The following DCUN1D1 variants were observed in gnomAD, a reference collection of about 807,000 sequenced individuals.
The protein encoded by DCUN1D1 is DCN1-like protein 1.
DCUN1D1 carries 3 observed loss-of-function variants against 39.0 expected under a neutral mutation model. The observed-to-expected ratio is 0.08, with a 90% CI of 0.04 to 0.20. The LOEUF (loss-of-function observed/expected upper bound fraction) is 0.20, where lower values mean the gene tolerates loss of function less well. Ranked by LOEUF, DCUN1D1 falls within the 10% of genes least tolerant of loss-of-function variation. The probability of loss-of-function intolerance (pLI) is 1.00; values close to 1 mark genes in which losing one functional copy is unlikely to be tolerated. For synonymous variants in DCUN1D1, 82 were observed against 96.3 expected, an observed-to-expected ratio of 0.85 and a Z score of 0.87; for missense variants, 158 against 302.4, an observed-to-expected ratio of 0.52 and a Z score of 3.54.
At chr3:182,967,372 T>C (rs1340327931) in intron 1 of DCUN1D1, among the ~76,000 whole-genome samples, 1 of 152,108 alleles carries the variant, frequency 6.6e-6, no homozygotes, top group Non-Finnish European at 1.5e-5. Flanking sequence ...TTTCCATAAA[T>C]CATACTGCTT....
intron 6 of DCUN1D1, among the ~76,000 whole-genome samples, chr3:182,946,316 G>A (rs755169525): frequency 4.6e-5 from 7 of 152,104 alleles, no homozygotes; most frequent in Admixed American, 2.0e-4. Context: ...CCAGCACTTC[G>A]GGAGACCGAG....
chr3:182,945,637 G>A (rs1277864147), intron 6 of DCUN1D1, among the ~76,000 whole-genome samples: 6 of 152,108 alleles, frequency 3.9e-5, no homozygotes, highest in African/African-American at 1.4e-4. Context: ...GCAGCCTAAG[G>A]AGCAGCTATG....
chr3:182,957,604 C>T (rs2108639764), intron 4 of DCUN1D1, among the ~76,000 whole-genome samples: 1 of 151,696 alleles, frequency 6.6e-6, no homozygotes. Flanking sequence ...CCAACCTAGG[C>T]AAGAGAGCCA....
intron 1 of DCUN1D1, among the ~76,000 whole-genome samples, chr3:182,971,762 C>T (rs1336830687): frequency 6.6e-6 from 1 of 152,060 alleles, no homozygotes; most frequent in East Asian, 1.9e-4. Flanking sequence ...CATTTATTTA[C>T]TTATTCAAAA....
At chr3:182,955,610 GTC>G in intron 4 of DCUN1D1, 1 of 445,080 alleles carries the variant, frequency 2.2e-6, no homozygotes, top group South Asian at 1.6e-5. Flanking sequence ...TTGAGACTGA[GTC>G]TCGCTCTGTC....
intron 1 of DCUN1D1, among the ~76,000 whole-genome samples, chr3:182,969,795 C>T (rs556370277): frequency 3.3e-5 from 5 of 152,264 alleles, no homozygotes; most frequent in Admixed American, 2.0e-4. Context: ...CTAATTACAA[C>T]GGTATCAAAG....
chr3:182,941,588 T>C lies in DCUN1D1; in HGVS notation c.*3506A>G, dbSNP rs1280476074. 5 of 152,134 alleles carry C rather than the reference T, an allele frequency of 3.3e-5. No homozygotes were observed. The East Asian group carries it at 7.7e-4, about 23-fold the overall frequency. The allele number at this position is 152,134 out of a possible 1,614,324, so 9.4% of individuals were successfully genotyped here. A position where few individuals can be genotyped will look rare whatever the true frequency, so the allele number is the denominator to read the frequency against. ...AAAAAAACATTTTATCATTACATTA[T>C]CAAATTTGATAAAATCTTATGAAAA... On this transcript the variant is annotated 3_prime_UTR_variant, in exon 7 of 7. Coordinates refer to ENST00000292782, the MANE Select transcript of DCUN1D1 (RefSeq NM_020640.4).
chr3:182,972,217 GA>G lies in DCUN1D1; in HGVS notation c.4-6465del, dbSNP rs541716059. Among the ~76,000 whole-genome samples the G allele has an allele frequency of 1.9e-3, 278 of 147,470 alleles. 1 individual carries two copies. The highest frequency in any genetic ancestry group is 5.7e-3 in the Admixed American group (84 of 14,824). On this transcript the variant is annotated intron_variant, in intron 1 of 6. Coordinates refer to ENST00000292782, the MANE Select transcript of DCUN1D1 (RefSeq NM_020640.4). ...CTATAGTTTTAAATGTACACAGGTTGAAAAAAAAAATCACAGGGCACTCTAA... is the reference window on the plus strand; with the variant it reads ...CTATAGTTTTAAATGTACACAGGTTGAAAAAAAAATCACAGGGCACTCTAA...
chr3:182,950,833 C>T (rs1371073240), intron 4 of DCUN1D1: 2 of 151,450 alleles, frequency 1.3e-5, no homozygotes, highest in African/African-American at 4.8e-5. Context: ...GGCGAAACCC[C>T]ATCTCTACTA....
At chr3:182,969,080 C>T (rs1173789394) in intron 1 of DCUN1D1, among the ~76,000 whole-genome samples, 1 of 152,150 alleles carries the variant, frequency 6.6e-6, no homozygotes, top group African/African-American at 2.4e-5. Context: ...CAATCCCATT[C>T]CTATAAAGTC....
At chr3:182,955,523 T>C (rs968622129) in intron 4 of DCUN1D1, 1 of 535,100 alleles carries the variant, frequency 1.9e-6, no homozygotes, top group African/African-American at 1.9e-5. Context: ...GATAATGGTT[T>C]GTATTTGCTA....
chr3:182,975,698 CAAAAACA>C (rs1163514482), intron 1 of DCUN1D1, among the ~76,000 whole-genome samples: 11 of 135,566 alleles, frequency 8.1e-5, no homozygotes, highest in African/African-American at 2.1e-4. Context: ...AAAAAAAAAA[CAAAAACA>C]AAAAACAAAA....
chr3:182,950,690 A>G (rs994067387), intron 4 of DCUN1D1: 4 of 151,836 alleles, frequency 2.6e-5, no homozygotes, highest in African/African-American at 9.7e-5. Context: ...TCTGATGCCC[A>G]TGTTTTAAGA....
rs1317674512 is a variant in DCUN1D1, at chr3:182,957,947, A to AC, written c.520+3278_520+3279insG. On this transcript the variant is annotated intron_variant, in intron 4 of 6. Coordinates refer to ENST00000292782, the MANE Select transcript of DCUN1D1 (RefSeq NM_020640.4). Reference sequence around the variant, plus strand: ...AGCAAGACCCTGCATCAAAAAAAAAAAAAAAAAAAAAAAACAGAAACATGG... The same window carrying AC: ...AGCAAGACCCTGCATCAAAAAAAAAACAAAAAAAAAAAAAACAGAAACATGG... Among the ~76,000 whole-genome samples, 65 of 150,992 alleles carry AC rather than the reference A, an allele frequency of 4.3e-4. 1 individual carries two copies. Among genetic ancestry groups the AC allele is most frequent in the African/African-American group, 1.5e-3 (63 of 41,372 alleles).
chr3:182,975,461 C>T (rs1445743810), intron 1 of DCUN1D1, among the ~76,000 whole-genome samples: 1 of 151,850 alleles, frequency 6.6e-6, no homozygotes, highest in Non-Finnish European at 1.5e-5. Context: ...CAGGTGTGAG[C>T]CACCGCGCCC....
At chr3:182,968,314 T>A (rs1445227189) in intron 1 of DCUN1D1, among the ~76,000 whole-genome samples, 1 of 152,244 alleles carries the variant, frequency 6.6e-6, no homozygotes, top group African/African-American at 2.4e-5. Flanking sequence ...TCTGGGGTTT[T>A]ATCATATAGT....
At chr3:182,973,821 A>G (rs186234518) in intron 1 of DCUN1D1, among the ~76,000 whole-genome samples, 69 of 152,130 alleles carry the variant, frequency 4.5e-4, no homozygotes, top group Non-Finnish European at 7.4e-4. Flanking sequence ...AAAAAAAAAA[A>G]ATTCAGAAGT....
intron 4 of DCUN1D1, among the ~76,000 whole-genome samples, chr3:182,953,374 A>T (rs1726854253): frequency 2.0e-5 from 3 of 152,244 alleles, no homozygotes; most frequent in Non-Finnish European, 4.4e-5. Flanking sequence ...AGCCCTCAGA[A>T]AGAAATTTAT....
At chr3:182,977,238 C>T (rs1452099895) in intron 1 of DCUN1D1, among the ~76,000 whole-genome samples, 1 of 152,150 alleles carries the variant, frequency 6.6e-6, no homozygotes, top group African/African-American at 2.4e-5. Context: ...AACCTCAAAA[C>T]CTCCTTGATA....
Sources: allele counts gnomAD v4.1 joint callset (sites outside exome capture counted in the v4.1 genomes callset), GRCh38; gene constraint gnomAD v4.1.1; transcripts MANE v1.5; gene names NCBI Gene and HGNC (gene_info 2026-07-23, HGNC 2026-07-21).